Variants in PKHD1 observed in about 807,000 individuals in gnomAD.
PKHD1 encodes the protein fibrocystin.
Under a neutral mutation model 412.0 loss-of-function variants are expected in PKHD1, and 291 were observed. That is an observed-to-expected ratio of 0.71 (90% CI 0.64 to 0.78). The LOEUF (loss-of-function observed/expected upper bound fraction) is 0.78, where lower values mean the gene tolerates loss of function less well. PKHD1 is among the 30% of genes least tolerant of loss of function. The pLI, the probability that PKHD1 is intolerant of heterozygous loss-of-function variation, is 0.00. For synonymous variants in PKHD1, 1,777 were observed against 1,821.5 expected (o/e 0.98, Z 0.62); for missense variants, 4,825 against 4,950.7 (o/e 0.97, Z 0.76).
At chr6:52,072,026 G>T in intron 8 of PKHD1, 89 bp downstream of exon 8, 2 of 809,178 alleles carry the variant, frequency 2.5e-6, no homozygotes, top group East Asian at 2.4e-5. Flanking sequence ...TATGGTGAGT[G>T]GGGAGAGAAA....
chr6:52,075,133 G>A (rs1811172566), intron 6 of PKHD1, among the ~76,000 whole-genome samples: 2 of 152,090 alleles, frequency 1.3e-5, no homozygotes, highest in Admixed American at 1.3e-4. Context: ...TAAAATATCA[G>A]GTCCCAATGA....
intron 35 of PKHD1, among the ~76,000 whole-genome samples, chr6:51,982,849 AAAAATAAAAATAAAAT>A (rs1353543125): frequency 7.4e-6 from 1 of 134,706 alleles, no homozygotes; most frequent in Non-Finnish European, 1.6e-5. Context: ...AAAAAAATAA[AAAAATAAAAATAAAAT>A]AAAATAAAAT....
intron 60 of PKHD1, among the ~76,000 whole-genome samples, chr6:51,664,679 C>A (rs1428616255): frequency 1.3e-5 from 2 of 152,130 alleles, no homozygotes; most frequent in South Asian, 4.1e-4. Flanking sequence ...AGATCAAATG[C>A]CAGGCTTCTC....
intron 37 of PKHD1, among the ~76,000 whole-genome samples, chr6:51,917,675 G>A (rs1290654956): frequency 6.6e-6 from 1 of 152,136 alleles, no homozygotes; most frequent in African/African-American, 2.4e-5. Context: ...ACAATGATGT[G>A]TAAGATGGTG....
intron 64 of PKHD1, among the ~76,000 whole-genome samples, chr6:51,636,593 A>C (rs1314932074): frequency 6.6e-6 from 1 of 151,142 alleles, no homozygotes; most frequent in Non-Finnish European, 1.5e-5. Flanking sequence ...CACACACACA[A>C]AACAACAAAA....
chr6:51,857,611 A>T (rs1307356648), intron 48 of PKHD1, among the ~76,000 whole-genome samples: 1 of 152,252 alleles, frequency 6.6e-6, no homozygotes, highest in Non-Finnish European at 1.5e-5. Context: ...AAACATAAAG[A>T]TAATCTACAT....
At chr6:51,865,193 G>A (rs895713648) in intron 48 of PKHD1, among the ~76,000 whole-genome samples, 28 of 152,276 alleles carry the variant, frequency 1.8e-4, no homozygotes, top group South Asian at 8.3e-4. Flanking sequence ...CATGTTTTCA[G>A]AGCTGATGAG....
intron 53 of PKHD1, among the ~76,000 whole-genome samples, chr6:51,789,258 A>G (rs1443429136): frequency 1.3e-5 from 2 of 152,220 alleles, no homozygotes; most frequent in African/African-American, 4.8e-5. Flanking sequence ...CCTTAGGCCC[A>G]TTAATTTCAT....
At chr6:51,673,370 C>A (rs1028153880) in intron 60 of PKHD1, among the ~76,000 whole-genome samples, 5 of 152,194 alleles carry the variant, frequency 3.3e-5, no homozygotes, top group African/African-American at 1.2e-4. Flanking sequence ...TTAATCAAAG[C>A]ATTAACCTGA....
intron 65 of PKHD1, among the ~76,000 whole-genome samples, chr6:51,628,483 A>G (rs2771018): frequency 0.043 from 6,507 of 152,204 alleles, 235 homozygotes; most frequent in African/African-American, 0.093. Context: ...ACTGTTGATG[A>G]GCATCTAGGT....
At chr6:51,759,908 T>C (rs148489145) in intron 55 of PKHD1, among the ~76,000 whole-genome samples, 1 of 152,260 alleles carries the variant, frequency 6.6e-6, no homozygotes, top group African/African-American at 2.4e-5. Flanking sequence ...CTCCTTTTCA[T>C]TGCAGAATAT....
At chr6:51,833,714 T>C (rs1052554706) in intron 51 of PKHD1, among the ~76,000 whole-genome samples, 2 of 152,078 alleles carry the variant, frequency 1.3e-5, no homozygotes, top group Non-Finnish European at 2.9e-5. Context: ...ATGACAGTGG[T>C]CCCAGTTGAG....
intron 52 of PKHD1, among the ~76,000 whole-genome samples, chr6:51,820,900 T>TG (rs1766299679): frequency 6.6e-6 from 1 of 152,194 alleles, no homozygotes; most frequent in African/African-American, 2.4e-5. Flanking sequence ...TGGGAAATCA[T>TG]GAATTATTTA....
At chr6:52,010,247 C>T (rs895944039) in intron 35 of PKHD1, 62 bp downstream of exon 35, 11 of 1,455,754 alleles carry the variant, frequency 7.6e-6, no homozygotes, top group Non-Finnish European at 1.1e-5. Flanking sequence ...TTTTAATGTA[C>T]ACAATATTAC....
chr6:51,662,632 AAAC>A (rs1473713910), intron 60 of PKHD1, among the ~76,000 whole-genome samples: 1 of 151,854 alleles, frequency 6.6e-6, no homozygotes, highest in Non-Finnish European at 1.5e-5. Flanking sequence ...AAACAAAATA[AAAC>A]AATAGAGAAA....
chr6:51,670,953 A>T (rs9395705), intron 60 of PKHD1, among the ~76,000 whole-genome samples: 3 of 151,240 alleles, frequency 2.0e-5, no homozygotes, highest in Admixed American at 2.0e-4. Context: ...GTGGGTAACC[A>T]GACCTTTCTC....
chr6:51,638,816 A>AC (rs753719035), intron 64 of PKHD1, 33 bp downstream of exon 64: 48 of 1,321,556 alleles, frequency 3.6e-5, no homozygotes, highest in African/African-American at 1.9e-4. Flanking sequence ...AAAAAAAAAA[A>AC]ACACAGAATA....
At position 52,053,182 on chromosome 6, in the gene PKHD1, C is replaced by T. The variant is rs769144028; in HGVS notation, c.2034G>A (p.Pro678=). The T allele has an allele frequency of 2.1e-5, 34 of 1,614,024 alleles. No individual in the cohort carries two copies. Among genetic ancestry groups the T allele is most frequent in the African/African-American group, 8.0e-5 (6 of 74,914 alleles). The change falls in exon 21 of 67, where the codon CCG becomes CCA. Residue 678 remains proline (P), a synonymous_variant. Coordinates refer to ENST00000371117, the MANE Select transcript of PKHD1 (RefSeq NM_138694.4). Reference sequence around the variant, plus strand: ...GATGAACCAGCACTGGGGAGTTTGCCGGAGGGGGCTGGAGATCCCCGAAGC... The same window carrying T: ...GATGAACCAGCACTGGGGAGTTTGCTGGAGGGGGCTGGAGATCCCCGAAGC... ...VRCFGDLQPP[P]ANSPVLVHQI...
rs5876252 is a variant in PKHD1 at position 52,066,088 on chromosome 6, T to TAA, written c.779-13_779-12dup. ...ACACAGATAATATTTCTGCAAGAGT[T>TAA]AAAAAAAAAAAAAAGTAAGCTTCCA... On this transcript the variant is annotated splice_polypyrimidine_tract_variant and intron_variant, in intron 11 of 66. Coordinates refer to ENST00000371117, the MANE Select transcript of PKHD1 (RefSeq NM_138694.4). The TAA allele has an allele frequency of 0.019, 17,674 of 951,908 alleles. 2 individuals carry two copies. The highest frequency in any genetic ancestry group is 0.022 in the Admixed American group (1,185 of 52,680). 59.0% of individuals were successfully genotyped at this position (951,908 alleles called of 1,614,324 possible).
Sources: gnomAD v4.1 joint callset for allele counts (sites outside exome capture counted in the v4.1 genomes callset) on GRCh38, gnomAD v4.1.1 for gene constraint, MANE v1.5 for transcripts, NCBI Gene and HGNC (gene_info 2026-07-23, HGNC 2026-07-21) for gene names.